Variants in DIP2B observed in about 807,000 individuals in gnomAD.
DIP2B encodes the protein disco-interacting protein 2 homolog B.
Under a neutral mutation model 198.0 loss-of-function variants are expected in DIP2B, and 76 were observed. That is an observed-to-expected ratio of 0.38 (90% confidence interval 0.32 to 0.46). The LOEUF (loss-of-function observed/expected upper bound fraction) is 0.46, where lower values mean the gene tolerates loss of function less well. Among genes scored for constraint, DIP2B ranks in the 20% least tolerant of loss-of-function variants. DIP2B has a pLI of 0.99. For synonymous variants in DIP2B, 701 were observed against 739.1 expected, an observed-to-expected ratio of 0.95 and a Z score of 0.84; for missense variants, 1,559 against 1,978.4, an observed-to-expected ratio of 0.79 and a Z score of 4.02.
intron 37 of DIP2B, among the ~76,000 whole-genome samples, chr12:50,742,283 G>A (rs1940258790): frequency 6.6e-6 from 1 of 150,850 alleles, no homozygotes; most frequent in Admixed American, 6.7e-5. Context: ...TGTAGTCCCA[G>A]CTACTCAGGA....
At chr12:50,563,542 G>A (rs897374141) in intron 1 of DIP2B, among the ~76,000 whole-genome samples, 4 of 144,800 alleles carry the variant, frequency 2.8e-5, no homozygotes, top group Non-Finnish European at 6.0e-5. Context: ...CTCAGGCTGA[G>A]TGAGGCAGTG....
Position 50,695,289 on chromosome 12 carries a change from C to T in DIP2B, c.1742C>T (p.Thr581Ile). 1.2e-6 allele frequency: 2 copies of T among 1,613,782 alleles called. No homozygotes were observed. The highest frequency in any genetic ancestry group is 1.7e-6 in the Non-Finnish European group (2 of 1,179,874). The change falls in exon 15 of 38, where the codon ACA becomes ATA. Residue 581 changes from threonine to isoleucine, a missense_variant. Physicochemically the swap from Thr to Ile is moderately conservative, Grantham distance 89. Coordinates refer to ENST00000301180, the MANE Select transcript of DIP2B (RefSeq NM_173602.3). ...MFANVMNKMH[T>I]ISVPYSVMKT... ...CAGAATGTAATGAATAAGATGCACA[C>T]AATCAGCGTACCCTACTCTGTTATG...
At chr12:50,552,571 C>G (rs1420047682) in intron 1 of DIP2B, among the ~76,000 whole-genome samples, 1 of 151,994 alleles carries the variant, frequency 6.6e-6, no homozygotes. Flanking sequence ...TTATCAGATA[C>G]GTTATTTGGA....
chr12:50,716,625 G>A (rs954930635), intron 23 of DIP2B, among the ~76,000 whole-genome samples: 4 of 152,150 alleles, frequency 2.6e-5, no homozygotes, highest in Non-Finnish European at 5.9e-5. Context: ...TTTACCCTTT[G>A]AAAATTGATT....
chr12:50,568,063 C>G (rs1455885275), intron 1 of DIP2B, among the ~76,000 whole-genome samples: 1 of 152,082 alleles, frequency 6.6e-6, no homozygotes, highest in East Asian at 1.9e-4. Context: ...AAGTTCAGAT[C>G]TCGAGTTTGT....
chr12:50,565,745 G>A (rs1958558245), intron 1 of DIP2B, among the ~76,000 whole-genome samples: 2 of 152,094 alleles, frequency 1.3e-5, no homozygotes, highest in South Asian at 4.1e-4. Flanking sequence ...ATCTTAAAAA[G>A]TCAATGTAGT....
At chr12:50,627,130 A>G (rs762339972) in intron 2 of DIP2B, among the ~76,000 whole-genome samples, 1 of 152,224 alleles carries the variant, frequency 6.6e-6, no homozygotes, top group Non-Finnish European at 1.5e-5. Context: ...GGCATGACCT[A>G]GGGGTTGAGG....
chr12:50,744,190 C>CATAAGAAT (rs1940306017), intron 37 of DIP2B, among the ~76,000 whole-genome samples: 1 of 152,070 alleles, frequency 6.6e-6, no homozygotes, highest in Non-Finnish European at 1.5e-5. Context: ...TTAGTAGAGG[C>CATAAGAAT]GGGATTTCGC....
At chr12:50,740,494 C>T (rs1355166536) in intron 36 of DIP2B, among the ~76,000 whole-genome samples, 2 of 152,206 alleles carry the variant, frequency 1.3e-5, no homozygotes, top group Non-Finnish European at 2.9e-5. Flanking sequence ...ATGCCAAGAA[C>T]GGTGCCTGGC....
intron 1 of DIP2B, among the ~76,000 whole-genome samples, chr12:50,508,522 C>G (rs776261433): frequency 1.7e-4 from 26 of 152,070 alleles, no homozygotes; most frequent in Admixed American, 7.2e-4. Context: ...TACCACCCAC[C>G]GCCCCTTTCT....
intron 28 of DIP2B, among the ~76,000 whole-genome samples, chr12:50,726,576 C>G (rs931475156): frequency 2.0e-5 from 3 of 152,084 alleles, no homozygotes; most frequent in Admixed American, 6.5e-5. Context: ...GTCTCGAACC[C>G]CAGTCCTCAA....
intron 1 of DIP2B, among the ~76,000 whole-genome samples, chr12:50,592,695 C>T (rs1486556780): frequency 6.6e-6 from 1 of 151,936 alleles, no homozygotes; most frequent in Non-Finnish European, 1.5e-5. Flanking sequence ...TCAGGCTGGT[C>T]TCGAACTCCT....
chr12:50,614,766 T>C (rs1380107588), intron 1 of DIP2B, among the ~76,000 whole-genome samples: 1 of 152,174 alleles, frequency 6.6e-6, no homozygotes, highest in African/African-American at 2.4e-5. Flanking sequence ...AAACACAGAA[T>C]GGTGATGTTT....
At chr12:50,505,312 C>T (rs1421682538) in intron 1 of DIP2B, 72 bp downstream of exon 1, 6 of 1,272,618 alleles carry the variant, frequency 4.7e-6, no homozygotes, top group Non-Finnish European at 6.2e-6. Flanking sequence ...AGGTCCCCGC[C>T]GCGCGCTCTG....
intron 16 of DIP2B, 146 bp downstream of exon 16, chr12:50,696,113 T>C (rs920987699): frequency 7.9e-7 from 1 of 1,264,144 alleles, no homozygotes; most frequent in East Asian, 2.4e-5. Context: ...ATTCACGAGT[T>C]GTGTAACCAT....
intron 19 of DIP2B, among the ~76,000 whole-genome samples, chr12:50,700,214 G>A (rs544917495): frequency 1.3e-5 from 2 of 152,158 alleles, no homozygotes; most frequent in African/African-American, 2.4e-5. Context: ...ACTCGCACAC[G>A]GTTTTCCTGC....
At chr12:50,722,331 G>T (rs1265593633) in intron 26 of DIP2B, among the ~76,000 whole-genome samples, 1 of 151,210 alleles carries the variant, frequency 6.6e-6, no homozygotes, top group East Asian at 1.9e-4. Flanking sequence ...GCCACCCACT[G>T]CAACCTCCGC....
chr12:50,530,360 G>C (rs914226565), intron 1 of DIP2B, among the ~76,000 whole-genome samples: 7 of 152,224 alleles, frequency 4.6e-5, no homozygotes, highest in Middle Eastern at 3.2e-3. Context: ...GATTACAGGC[G>C]TGAGCCACTG....
chr12:50,577,840 G>T (rs1958677425), intron 1 of DIP2B, among the ~76,000 whole-genome samples: 1 of 152,096 alleles, frequency 6.6e-6, no homozygotes, highest in South Asian at 2.1e-4. Context: ...GTAGTTGGAA[G>T]AGTCAGGAGT....
Sources: allele counts gnomAD v4.1 joint callset (sites outside exome capture counted in the v4.1 genomes callset), GRCh38; gene constraint gnomAD v4.1.1; transcripts MANE v1.5; gene names NCBI Gene and HGNC (gene_info 2026-07-23, HGNC 2026-07-21).